MRPS33: variants seen among roughly 807,000 people sequenced by gnomAD.
MRPS33 encodes small ribosomal subunit protein mS33.
MRPS33 carries 11 observed loss-of-function variants against 11.2 expected under a neutral mutation model. The ratio of observed to expected loss-of-function variants is 0.99; its 90% CI spans 0.62 to 1.63. MRPS33 has a LOEUF of 1.63. Among genes scored for constraint, MRPS33 ranks in the 40% most tolerant of loss-of-function variants. The pLI is 0.00. For synonymous variants in MRPS33, 46 were observed against 44.0 expected (o/e 1.05, Z -0.18); for missense variants, 109 against 127.8 (o/e 0.85, Z 0.71).
chr7:141,011,997 A>AAAAAACG (rs965342217), intron 1 of MRPS33, among the ~76,000 whole-genome samples: 2 of 151,158 alleles, frequency 1.3e-5, no homozygotes, highest in East Asian at 2.0e-4. Context: ...AAAAAAAAAC[A>AAAAAACG]AAAAACAAAA....
Position 141,006,505 on chromosome 7 carries a change from T to C in MRPS33, c.246A>G (p.Gln82=), listed in dbSNP as rs919211448. 6.2e-7 allele frequency: 1 copy of C among 1,614,006 alleles called. No individual in the cohort carries two copies. Among genetic ancestry groups the C allele is most frequent in the South Asian group, 1.1e-5 (1 of 91,080 alleles). The change falls in exon 3 of 3, where the codon CAA becomes CAG. Residue 82 remains glutamine (Q), a synonymous_variant. Transcript: ENST00000324787. The part of the protein sequence containing the change: ...RDEHQDFMDE[Q]KRLKKLRGKE... ...TTCCACGAAGCTTCTTTAGTCGTTT[T>C]TGCTCATCCATAAAATCCTGATGCT...
chr7:141,011,761 A>G (rs558256987), intron 1 of MRPS33, among the ~76,000 whole-genome samples: 25 of 152,264 alleles, frequency 1.6e-4, no homozygotes, highest in African/African-American at 6.0e-4. Flanking sequence ...ACCCTCCTAC[A>G]TAAAAATGGT....
chr7:141,010,478 A>G lies in MRPS33; in HGVS notation c.156T>C (p.Tyr52=), dbSNP rs1288621117. The G allele has an allele frequency of 6.2e-7, 1 of 1,614,224 alleles. No individual in the cohort carries two copies. Among genetic ancestry groups the G allele is most frequent in the Non-Finnish European group, 8.5e-7 (1 of 1,180,042 alleles). Residue 52 remains tyrosine (Y), a synonymous_variant, in exon 2 of 3, where the codon TAT becomes TAC. Transcript: ENST00000324787. ...GTTCAGCGTAAGTGTGGTGATTTGG[A>G]TACCAATCATAAGTCTCCTTCTTCT... ...LAKKKETYDW[Y]PNHHTYAELM... is the part of the protein sequence containing the mutation.
Position 141,010,337 on chromosome 7 carries a change from A to G in MRPS33, c.215+82T>C, listed in dbSNP as rs186959538. ...GCTCTATTATAAGAACAAAACTACA[A>G]GGATAGAAAGGCTAATTTTTTTCCT... On this transcript the variant is annotated intron_variant, in intron 2 of 2. Coordinates refer to ENST00000324787, the MANE Select transcript of MRPS33 (RefSeq NM_053035.3). The G allele has an allele frequency of 8.4e-4, 1,152 of 1,365,892 alleles. 12 individuals are homozygous for G. The African/African-American group carries it at 0.012, about 15-fold the overall frequency. 84.6% of individuals were successfully genotyped at this position (1,365,892 alleles called of 1,614,324 possible). A position where few individuals can be genotyped will look rare whatever the true frequency, so the allele number is the denominator to read the frequency against.
intron 2 of MRPS33, among the ~76,000 whole-genome samples, chr7:141,008,779 T>TA (rs1820598820): frequency 6.6e-6 from 1 of 150,530 alleles, no homozygotes; most frequent in African/African-American, 2.4e-5. Context: ...GGGCATGTAT[T>TA]AGTTTGGTAA....
At chr7:141,014,019 A>G (rs1182183389) in intron 1 of MRPS33, among the ~76,000 whole-genome samples, 1 of 152,162 alleles carries the variant, frequency 6.6e-6, no homozygotes, top group African/African-American at 2.4e-5. Context: ...TTGTTCTGGG[A>G]GAGAGCTTTC....
intron 1 of MRPS33, among the ~76,000 whole-genome samples, chr7:141,012,858 G>C (rs1820711236): frequency 6.6e-6 from 1 of 152,116 alleles, no homozygotes; most frequent in South Asian, 2.1e-4. Flanking sequence ...CTTAATCCTT[G>C]GGTTATTGTG....
intron 1 of MRPS33, among the ~76,000 whole-genome samples, chr7:141,013,856 T>C (rs1295549462): frequency 6.6e-6 from 1 of 152,260 alleles, no homozygotes; most frequent in African/African-American, 2.4e-5. Flanking sequence ...TAAAAGATTA[T>C]TTCAATAAGT....
rs779877488 is a variant in MRPS33 at position 141,006,459 on chromosome 7, C to A, written c.292G>T (p.Glu98Ter). 6.2e-7 allele frequency: 1 copy of A among 1,613,740 alleles called. No individual in the cohort carries two copies. Among genetic ancestry groups the A allele is most frequent in the East Asian group, 2.2e-5 (1 of 44,874 alleles). ...LRGKEKPKKGEGKRAAKRK is the reference protein window; with the variant it reads ...LRGKEKPKKG ...TTCCTTTTTGCTGCTCTTTTCCCTT[C>A]TCCTTTCTTTGGTTTCTCCTTTCCA... The change falls in exon 3 of 3, where the codon GAA becomes TAA. Residue 98 changes from glutamate (E) to a stop codon, truncating the protein, a stop_gained. Transcript: ENST00000324787. LOFTEE classifies it high-confidence loss of function.
At chr7:141,010,331 A>C in intron 2 of MRPS33, 88 bp downstream of exon 2, 1 of 1,310,754 alleles carries the variant, frequency 7.6e-7, no homozygotes, top group Non-Finnish European at 1.1e-6. Flanking sequence ...TAAGAACAAA[A>C]CTACAAGGAT....
chr7:141,012,016 G>A (rs1242897288), intron 1 of MRPS33, among the ~76,000 whole-genome samples: 2 of 109,970 alleles, frequency 1.8e-5, no homozygotes, highest in African/African-American at 6.8e-5. Context: ...AAGAAAATAA[G>A]AAAATTAGTC....
chr7:141,006,586 A>G, intron 2 of MRPS33, 51 bp from the exon 3 acceptor site: 2 of 1,472,906 alleles, frequency 1.4e-6, no homozygotes, highest in Non-Finnish European at 1.9e-6. Context: ...CGAGTAGAAA[A>G]GTACACTAAT....
At chr7:141,011,023 G>T (rs1317820011) in intron 1 of MRPS33, among the ~76,000 whole-genome samples, 1 of 152,236 alleles carries the variant, frequency 6.6e-6, no homozygotes, top group African/African-American at 2.4e-5. Flanking sequence ...TATACCTTCA[G>T]AAAACACCCA....
intron 1 of MRPS33, 108 bp from the exon 2 acceptor site, chr7:141,010,768 C>A: frequency 1.3e-6 from 1 of 777,140 alleles, no homozygotes; most frequent in Admixed American, 2.3e-5. Context: ...TGGATCAGTG[C>A]AGTGTTGGCA....
rs774378773 is a variant in MRPS33, at chr7:141,006,158, T to C, written c.*272A>G. ...AGCATCCCATCCCACCCCAAACAAATCATCAAACAATAACTTAGGTATTTA... is the reference window on the plus strand; with the variant it reads ...AGCATCCCATCCCACCCCAAACAAACCATCAAACAATAACTTAGGTATTTA... On this transcript the variant is annotated 3_prime_UTR_variant, in exon 3 of 3. Coordinates refer to ENST00000324787, the MANE Select transcript of MRPS33 (RefSeq NM_053035.3). 6.3e-5 allele frequency: 27 copies of C among 425,774 alleles called. No individual in the cohort carries two copies. The highest frequency in any genetic ancestry group is 8.1e-5 in the Non-Finnish European group (19 of 235,460). The allele number at this position is 425,774 out of a possible 1,614,324, so 26.4% of individuals were successfully genotyped here.
chr7:141,005,818 C>T lies in MRPS33; in HGVS notation c.*612G>A, dbSNP rs1283002326. Reference sequence around the variant, plus strand: ...GTAATTATGTAATATTAGTCCCTCCCACAAGACTGAAACTTACATGAGGTA... The same window carrying T: ...GTAATTATGTAATATTAGTCCCTCCTACAAGACTGAAACTTACATGAGGTA... On this transcript the variant is annotated 3_prime_UTR_variant, in exon 3 of 3. Transcript: ENST00000324787. 6.6e-6 allele frequency: 1 copy of T among 152,442 alleles called. No individual in the cohort carries two copies. Among genetic ancestry groups the T allele is most frequent in the African/African-American group, 2.4e-5 (1 of 41,426 alleles). The allele number at this position is 152,442 out of a possible 1,614,324, so 9.4% of individuals were successfully genotyped here.
intron 1 of MRPS33, among the ~76,000 whole-genome samples, chr7:141,011,917 G>A (rs10215245): frequency 0.74 from 111,531 of 151,474 alleles, 41,922 homozygotes; most frequent in East Asian, 0.9. Context: ...AGAGGCTGAG[G>A]TGGGAGGATC....
intron 1 of MRPS33, among the ~76,000 whole-genome samples, chr7:141,013,028 A>T (rs903478125): frequency 2.0e-5 from 3 of 151,904 alleles, no homozygotes; most frequent in African/African-American, 4.8e-5. Context: ...ACATAGACAC[A>T]TTTGTTTATT....
At position 141,006,218 on chromosome 7, in the gene MRPS33, C is replaced by T. The variant is rs1439874362; in HGVS notation, c.*212G>A. 18 of 564,852 alleles carry T rather than the reference C, an allele frequency of 3.2e-5. No individual in the cohort carries two copies. The highest frequency in any genetic ancestry group is 1.2e-4 in the East Asian group (4 of 33,740). The allele number at this position is 564,852 out of a possible 1,614,324, so 35.0% of individuals were successfully genotyped here. A position where few individuals can be genotyped will look rare whatever the true frequency, so the allele number is the denominator to read the frequency against. ...AGAATCAGGTAAACCTCACATTACA[C>T]GGCCAAGGCCAAGATAATTTTGCAC... On this transcript the variant is annotated 3_prime_UTR_variant, in exon 3 of 3. Transcript: ENST00000324787.
Sources: allele counts gnomAD v4.1 joint callset (sites outside exome capture counted in the v4.1 genomes callset), GRCh38; gene constraint gnomAD v4.1.1; transcripts MANE v1.5; gene names NCBI Gene and HGNC (gene_info 2026-07-23, HGNC 2026-07-21).